The following CSMD2 variants were observed in gnomAD, a reference collection of about 807,000 sequenced individuals.
The protein encoded by CSMD2 is CUB and Sushi multiple domains 2.
A neutral mutation model predicts 398.5 loss-of-function variants in CSMD2; 130 were observed. The observed-to-expected ratio is 0.33, with a 90% CI of 0.28 to 0.38. The LOEUF is 0.38. CSMD2 is among the 10% of genes least tolerant of loss of function. The probability of loss-of-function intolerance (pLI) is 1.00; values close to 1 mark genes in which losing one functional copy is unlikely to be tolerated. For synonymous variants in CSMD2, 1,828 were observed against 1,908.5 expected (o/e 0.96, Z 1.10); for missense variants, 3,829 against 4,764.9 (o/e 0.80, Z 5.78).
chr1:33,583,831 C>T lies in CSMD2; in HGVS notation c.7052-1G>A. 2 of 1,612,098 alleles carry T rather than the reference C, an allele frequency of 1.2e-6. No individual in the cohort carries two copies. Among genetic ancestry groups the T allele is most frequent in the Non-Finnish European group, 1.7e-6 (2 of 1,178,882 alleles). On this transcript the variant is annotated splice_acceptor_variant, in intron 46 of 70. Transcript: ENST00000373381. LOFTEE classifies it high-confidence loss of function. Reference sequence around the variant, plus strand: ...AGAAGCTCATTTGTTGGACAGTGCACTTGGAGAAAGAAAGAGAAACACCAA... The same window carrying T: ...AGAAGCTCATTTGTTGGACAGTGCATTTGGAGAAAGAAAGAGAAACACCAA...
intron 2 of CSMD2, among the ~76,000 whole-genome samples, chr1:34,063,733 C>T (rs1654789886): frequency 1.3e-5 from 2 of 152,182 alleles, no homozygotes; most frequent in Non-Finnish European, 2.9e-5. Flanking sequence ...GATGGTGGCC[C>T]TCTTCTCACA....
intron 1 of CSMD2, among the ~76,000 whole-genome samples, chr1:34,117,695 T>C (rs1025855655): frequency 8.6e-5 from 13 of 151,970 alleles, no homozygotes; most frequent in African/African-American, 3.1e-4. Context: ...CCAATATACC[T>C]GATGAATACA....
chr1:33,629,743 GT>G (rs57420148), intron 32 of CSMD2, among the ~76,000 whole-genome samples: 146 of 146,918 alleles, frequency 9.9e-4, no homozygotes, highest in East Asian at 3.0e-3. Flanking sequence ...ATATCTACAG[GT>G]TTTTTTTTTT....
chr1:33,800,292 TGAG>T (rs1171566398), intron 10 of CSMD2, among the ~76,000 whole-genome samples: 2 of 151,602 alleles, frequency 1.3e-5, no homozygotes, highest in Admixed American at 6.6e-5. Context: ...ACTCCTGGGG[TGAG>T]GAGGAGGGGA....
chr1:33,566,619 G>T (rs577411137), intron 53 of CSMD2, among the ~76,000 whole-genome samples: 2 of 152,260 alleles, frequency 1.3e-5, no homozygotes, highest in South Asian at 2.1e-4. Context: ...TCAGGCAAAA[G>T]AATTAAAGCA....
intron 41 of CSMD2, among the ~76,000 whole-genome samples, chr1:33,608,468 G>C (rs543217371): frequency 1.3e-5 from 2 of 152,306 alleles, no homozygotes; most frequent in African/African-American, 2.4e-5. Context: ...AGGGGTGCAA[G>C]GGGCTGAAAT....
chr1:33,709,665 C>A lies in CSMD2; in HGVS notation c.3407-407G>T, dbSNP rs113671822. Among the ~76,000 whole-genome samples, 289 of 152,206 alleles carry A rather than the reference C, an allele frequency of 1.9e-3. 1 individual carries two copies. Among genetic ancestry groups the A allele is most frequent in the Non-Finnish European group, 2.4e-3 (164 of 68,008 alleles). On this transcript the variant is annotated intron_variant, in intron 21 of 70. Transcript: ENST00000373381. ...GGCAGTTAAGTGAGGAGAGATGAAG[C>A]CTTTCAGTATCACAGAATAGAAACT...
chr1:33,941,531 T>C (rs1016995875), intron 3 of CSMD2, among the ~76,000 whole-genome samples: 1 of 152,236 alleles, frequency 6.6e-6, no homozygotes, highest in African/African-American at 2.4e-5. Flanking sequence ...GTGATGCCTG[T>C]GTACGTGTGT....
At chr1:34,009,568 G>C (rs1647179249) in intron 3 of CSMD2, among the ~76,000 whole-genome samples, 1 of 151,950 alleles carries the variant, frequency 6.6e-6, no homozygotes, top group Admixed American at 6.6e-5. Context: ...CTCTTCCTCT[G>C]CCTGCCCTGG....
rs1006469337 is a variant in CSMD2, at chr1:33,731,012, C to T, written c.2369-4327G>A. ...GAAATAACTGATTCTGGGTCAGAGA[C>T]AGAAAATGTACAAGATGATGTTAGG... On this transcript the variant is annotated intron_variant, in intron 15 of 70. Coordinates refer to ENST00000373381, the MANE Select transcript of CSMD2 (RefSeq NM_001281956.2). 2.6e-5 allele frequency among the ~76,000 whole-genome samples: 4 copies of T among 152,198 alleles called. No homozygotes were observed. In the South Asian group the frequency reaches 6.2e-4, roughly 24 times the overall value.
chr1:34,048,799 C>T (rs2148215458), intron 2 of CSMD2, among the ~76,000 whole-genome samples: 1 of 152,310 alleles, frequency 6.6e-6, no homozygotes, highest in Admixed American at 6.5e-5. Context: ...TTATTATCAG[C>T]TGCTGCATAG....
intron 1 of CSMD2, among the ~76,000 whole-genome samples, chr1:34,089,557 T>G (rs1658315906): frequency 6.6e-6 from 1 of 152,138 alleles, no homozygotes; most frequent in Admixed American, 6.5e-5. Flanking sequence ...CCTTCTCCAT[T>G]GTCTGCAACC....
At position 33,519,783 on chromosome 1, in the gene CSMD2, G is replaced by A; in HGVS notation, c.10736+29C>T. Reference sequence around the variant, plus strand: ...AGGGAGAGAGGGAGGCCTGCCTGATGCCCGCCCTGCCTCCTTCCTGCACGG... The same window carrying A: ...AGGGAGAGAGGGAGGCCTGCCTGATACCCGCCCTGCCTCCTTCCTGCACGG... On this transcript the variant is annotated intron_variant, in intron 69 of 70. Transcript: ENST00000373381. The surrounding 1 kb of genome is among the most constrained non-coding windows in gnomAD (Gnocchi z 5.6). 6.2e-7 allele frequency: 1 copy of A among 1,613,218 alleles called. No homozygotes were observed. Among genetic ancestry groups the A allele is most frequent in the Non-Finnish European group, 8.5e-7 (1 of 1,179,322 alleles).
intron 2 of CSMD2, among the ~76,000 whole-genome samples, chr1:34,085,886 T>C (rs1657819043): frequency 6.6e-6 from 1 of 152,058 alleles, no homozygotes; most frequent in Non-Finnish European, 1.5e-5. Context: ...ACAAGACTGC[T>C]CTGGAAACAC....
intron 5 of CSMD2, among the ~76,000 whole-genome samples, chr1:33,917,737 G>A (rs1643798654): frequency 6.6e-6 from 1 of 152,136 alleles, no homozygotes; most frequent in African/African-American, 2.4e-5. Flanking sequence ...TGGATGCTAT[G>A]CATATGTCTT....
Position 33,743,596 on chromosome 1 carries a change from G to C in CSMD2, c.1857C>G (p.Phe619Leu). 6.3e-7 allele frequency: 1 copy of C among 1,596,196 alleles called. No individual in the cohort carries two copies. Among genetic ancestry groups the C allele is most frequent in the Non-Finnish European group, 8.6e-7 (1 of 1,168,106 alleles). ...AKKPGCVFSC[F>L]FNFTSPSGVV... The stretch of plus-strand genomic sequence containing the variant: ...CCCCAGACGGGCTGGTGAAGTTGAA[G>C]AAGCAGGAGACTGCAAGAGAAGAGC... Residue 619 changes from phenylalanine to leucine, a missense_variant, in exon 14 of 71, where the codon TTC (phenylalanine) becomes TTG (leucine). Physicochemically the swap from Phe to Leu is conservative, Grantham distance 22 (BLOSUM62 0). This residue lies in a region of CSMD2 where 2,001 missense variants were observed against 2,567.1 expected (regional missense o/e 0.78). Coordinates refer to ENST00000373381, the MANE Select transcript of CSMD2 (RefSeq NM_001281956.2).
intron 2 of CSMD2, among the ~76,000 whole-genome samples, chr1:34,076,857 T>C (rs763226687): frequency 5.9e-5 from 8 of 136,104 alleles, no homozygotes; most frequent in Non-Finnish European, 9.1e-5. Context: ...ACTCATGTCA[T>C]CTACTGGCAA....
At chr1:33,546,270 A>G in intron 56 of CSMD2, 51 bp from the exon 57 acceptor site, 1 of 1,554,156 alleles carries the variant, frequency 6.4e-7, no homozygotes, top group Non-Finnish European at 8.8e-7. Context: ...AAGAAAAGGG[A>G]GTGGAGAAGC....
chr1:34,091,953 G>A (rs1658618131), intron 1 of CSMD2, among the ~76,000 whole-genome samples: 1 of 152,016 alleles, frequency 6.6e-6, no homozygotes. Flanking sequence ...GTTTGTAGAT[G>A]ATACATTAAT....
Sources: allele counts gnomAD v4.1 joint callset (sites outside exome capture counted in the v4.1 genomes callset), GRCh38; gene constraint gnomAD v4.1.1; regional missense constraint gnomAD v4.1.1; non-coding constraint Gnocchi (gnomAD v3.1); transcripts MANE v1.5; gene names NCBI Gene and HGNC (gene_info 2026-07-23, HGNC 2026-07-21).